Variants in ZNF581 observed in about 807,000 individuals in gnomAD.
The protein encoded by ZNF581 is zinc finger protein 581.
Under a neutral mutation model 1.2 loss-of-function variants are expected in ZNF581, and 1 was observed. The observed-to-expected ratio is 0.83, with a 90% CI of 0.30 to 3.95. The LOEUF (loss-of-function observed/expected upper bound fraction) is 3.95, where lower values mean the gene tolerates loss of function less well. ZNF581 is among the 30% of genes most tolerant of loss of function. The pLI, the probability that ZNF581 is intolerant of heterozygous loss-of-function variation, is 0.18. For synonymous variants in ZNF581, 105 were observed against 109.2 expected (o/e 0.96, Z 0.24); for missense variants, 273 against 274.6 (o/e 0.99, Z 0.04).
chr19:55,635,558 G>C (rs8111497), exon 1 of ZNF581: 108,555 of 578,914 alleles, frequency 0.19, 11,183 homozygotes, highest in African/African-American at 0.36. Context: ...CTGATTGCCA[G>C]CCTCGCTGGA....
At chr19:55,640,739 G>C (rs773799047), upstream of ZNF581, 4 of 985,370 alleles carry the variant, frequency 4.1e-6, no homozygotes, top group African/African-American at 1.7e-5. Context: ...CGACGGCCCA[G>C]TGGAAAGAGG....
upstream of ZNF581, chr19:55,641,187 C>T (rs1428628963): frequency 7.1e-6 from 7 of 984,594 alleles, no homozygotes; most frequent in South Asian, 2.4e-4. Context: ...GCACGGGGTA[C>T]GGGGGCCGGG....
Position 55,645,082 on chromosome 19 carries a change from C to A in ZNF581, c.511C>A (p.Arg171Ser), listed in dbSNP as rs201594382. 2.8e-5 allele frequency: 43 copies of A among 1,552,900 alleles called. No individual in the cohort carries two copies. The highest frequency in any genetic ancestry group is 7.0e-6 in the Non-Finnish European group (8 of 1,143,428). ...GCACAGCCGGGTGCACTCTGGGGAA[C>A]GCCCGTTTCAGTGTCCACACTGCCC... ...AQHSRVHSGE[R>S]PFQCPHCPRR... The change falls in exon 2 of 2, where the codon CGC (arginine) becomes AGC (serine). Residue 171 changes from arginine to serine, a missense_variant. Physicochemically the swap from Arg to Ser is moderately radical, Grantham distance 110 (BLOSUM62 -1). Coordinates refer to ENST00000270451, the MANE Select transcript of ZNF581 (RefSeq NM_016535.4).
chr19:55,638,091 C>T (rs963744966), upstream of ZNF581, among the ~76,000 whole-genome samples: 13 of 152,176 alleles, frequency 8.5e-5, no homozygotes, highest in African/African-American at 3.1e-4. Flanking sequence ...GTTTACGGTT[C>T]TGCAGGCTAT....
upstream of ZNF581, chr19:55,642,665 C>A: frequency 7.0e-7 from 1 of 1,429,692 alleles, no homozygotes; most frequent in Non-Finnish European, 9.2e-7. Flanking sequence ...GCTGGGCCGC[C>A]ACCTCCTCAT....
upstream of ZNF581, among the ~76,000 whole-genome samples, chr19:55,637,780 C>T (rs1461551279): frequency 8.5e-5 from 13 of 152,208 alleles, no homozygotes; most frequent in East Asian, 3.8e-4. Flanking sequence ...GCCAATCACA[C>T]GATCTCTTTG....
chr19:55,638,589 A>G (rs1219157248), upstream of ZNF581, among the ~76,000 whole-genome samples: 1 of 152,092 alleles, frequency 6.6e-6, no homozygotes, highest in South Asian at 2.1e-4. Context: ...GATCTCACTC[A>G]TTACCTCGAG....
upstream of ZNF581, chr19:55,642,535 C>A: frequency 2.8e-6 from 4 of 1,442,370 alleles, no homozygotes; most frequent in South Asian, 1.6e-5. Flanking sequence ...CGCGGCCACC[C>A]CACCCTCGGT....
chr19:55,637,283 C>A (rs746826862), upstream of ZNF581, among the ~76,000 whole-genome samples: 1 of 152,116 alleles, frequency 6.6e-6, no homozygotes, highest in Non-Finnish European at 1.5e-5. Flanking sequence ...CGCCTATAAT[C>A]CCAGGACTTT....
upstream of ZNF581, chr19:55,641,948 G>A (rs998341755): frequency 1.4e-6 from 1 of 736,988 alleles, no homozygotes; most frequent in South Asian, 6.1e-5. Context: ...GGGAGGCCAC[G>A]GAATATGAAG....
At chr19:55,638,949 G>A (rs1223041232), upstream of ZNF581, among the ~76,000 whole-genome samples, 1 of 138,104 alleles carries the variant, frequency 7.2e-6, no homozygotes, top group Non-Finnish European at 1.5e-5. Flanking sequence ...AGGTTGCAGT[G>A]AGCCTAGAAT....
At chr19:55,638,332 G>A (rs535784469), upstream of ZNF581, among the ~76,000 whole-genome samples, 36 of 152,200 alleles carry the variant, frequency 2.4e-4, no homozygotes, top group South Asian at 7.3e-3. Context: ...TCTGCATCCC[G>A]GGTTCAAGTG....
chr19:55,640,465 A>G (rs1019961022), upstream of ZNF581: 30 of 984,938 alleles, frequency 3.0e-5, no homozygotes, highest in Non-Finnish European at 3.5e-5. Flanking sequence ...ACACCTCCCC[A>G]CCTGCGCATG....
rs1322711527 is a variant in ZNF581, at chr19:55,644,218, C to A, written c.-19-335C>A. Among the ~76,000 whole-genome samples the A allele has an allele frequency of 6.6e-6, 1 of 152,070 alleles. No homozygotes were observed. Among genetic ancestry groups the A allele is most frequent in the Non-Finnish European group, 1.5e-5 (1 of 67,998 alleles). Reference sequence around the variant, plus strand: ...GGGCTAGAAGGAGGGGAGGGAGAGGCCTGGAGGCCTGCGGGGTGGGGCACC... The same window carrying A: ...GGGCTAGAAGGAGGGGAGGGAGAGGACTGGAGGCCTGCGGGGTGGGGCACC... On this transcript the variant is annotated intron_variant, in intron 1 of 1. Transcript: ENST00000270451. This position sits in a 1 kb window ranked among gnomAD's most constrained non-coding sequence, Gnocchi z 4.3.
At chr19:55,642,283 G>A, upstream of ZNF581, 1 of 1,244,830 alleles carries the variant, frequency 8.0e-7, no homozygotes, top group Non-Finnish European at 1.0e-6. Flanking sequence ...AGGTGGTGGC[G>A]GGGTTTTGCA....
upstream of ZNF581, among the ~76,000 whole-genome samples, chr19:55,641,423 G>T (rs556677646): frequency 6.6e-6 from 1 of 152,352 alleles, no homozygotes; most frequent in South Asian, 2.1e-4. Flanking sequence ...AAAACGCCCG[G>T]GCGCTGGGGT....
rs760562453 is a variant in ZNF581, at chr19:55,645,167, C to T, written c.*2C>T. Reference sequence around the variant, plus strand: ...CACACGCGGTGGAAGCATCCATGAGCCGGGCTGCCGGGTGCCCCAGGTACC... The same window carrying T: ...CACACGCGGTGGAAGCATCCATGAGTCGGGCTGCCGGGTGCCCCAGGTACC... On this transcript the variant is annotated 3_prime_UTR_variant, in exon 2 of 2. Coordinates refer to ENST00000270451, the MANE Select transcript of ZNF581 (RefSeq NM_016535.4). 6.6e-7 allele frequency: 1 copy of T among 1,512,224 alleles called. No homozygotes were observed. Among genetic ancestry groups the T allele is most frequent in the African/African-American group, 1.4e-5 (1 of 71,810 alleles). 93.7% of individuals were successfully genotyped at this position (1,512,224 alleles called of 1,614,324 possible). A position where few individuals can be genotyped will look rare whatever the true frequency, so the allele number is the denominator to read the frequency against.
upstream of ZNF581, chr19:55,642,023 G>T (rs530071118): frequency 3.7e-4 from 369 of 985,042 alleles, 1 homozygote; most frequent in Non-Finnish European, 4.3e-4. Flanking sequence ...GGGCCGGTGG[G>T]GGGGTAGGGG....
upstream of ZNF581, among the ~76,000 whole-genome samples, chr19:55,638,402 C>T (rs1304275194): frequency 6.6e-6 from 1 of 152,110 alleles, no homozygotes; most frequent in African/African-American, 2.4e-5. Flanking sequence ...CCACGCCCAG[C>T]TAATTTTTGT....
Sources: gnomAD v4.1 joint callset for allele counts (sites outside exome capture counted in the v4.1 genomes callset) on GRCh38, gnomAD v4.1.1 for gene constraint, Gnocchi (gnomAD v3.1) non-coding constraint, MANE v1.5 for transcripts, NCBI Gene and HGNC (gene_info 2026-07-23, HGNC 2026-07-21) for gene names.